Variants in COL15A1 observed in about 807,000 individuals in gnomAD.
COL15A1 encodes the protein collagen alpha-1(XV) chain.
In COL15A1, 111 loss-of-function variants were observed where a neutral mutation model predicts 165.9. That is an observed-to-expected ratio of 0.67 (90% confidence interval 0.57 to 0.78). The LOEUF (loss-of-function observed/expected upper bound fraction) is 0.78, where lower values mean the gene tolerates loss of function less well. COL15A1 is among the 30% of genes least tolerant of loss of function. The pLI, the probability that COL15A1 is intolerant of heterozygous loss-of-function variation, is 0.00. For synonymous variants in COL15A1, 659 were observed against 674.8 expected (o/e 0.98, Z 0.36); for missense variants, 1,745 against 1,789.7 (o/e 0.98, Z 0.45).
At chr9:99,040,859 T>G in intron 23 of COL15A1, 1 of 398,656 alleles carries the variant, frequency 2.5e-6, no homozygotes, top group Non-Finnish European at 4.6e-6. Flanking sequence ...GCACATATCA[T>G]ATGATAACAC....
intron 2 of COL15A1, among the ~76,000 whole-genome samples, chr9:98,961,904 G>A (rs1387674555): frequency 6.6e-6 from 1 of 152,242 alleles, no homozygotes; most frequent in African/African-American, 2.4e-5. Context: ...AGAGTCAGAA[G>A]AAAGCCCGGA....
chr9:99,011,419 A>AC (rs1224171917), intron 9 of COL15A1, among the ~76,000 whole-genome samples: 4 of 146,892 alleles, frequency 2.7e-5, no homozygotes, highest in Non-Finnish European at 6.0e-5. Context: ...AAAAAAAAAA[A>AC]AAAAAGTCAT....
chr9:98,961,357 G>A (rs1837862949), intron 2 of COL15A1, among the ~76,000 whole-genome samples: 1 of 152,186 alleles, frequency 6.6e-6, no homozygotes, highest in Non-Finnish European at 1.5e-5. Context: ...TGCAATGAGA[G>A]CTATGAAAGC....
In COL15A1 at chr9:98,967,314, C is replaced by A. The variant is rs138994032; in HGVS notation, c.101-18251C>A. ...AGGTGTGTGCCGACCCTTCTCTGTA[C>A]TGACTTTCCCTGGGGAGCCACAGCT... On this transcript the variant is annotated intron_variant, in intron 2 of 41. Transcript: ENST00000375001. 3.7e-3 allele frequency among the ~76,000 whole-genome samples: 559 copies of A among 152,340 alleles called. 5 individuals carry two copies. The highest frequency in any genetic ancestry group is 9.3e-3 in the Admixed American group (142 of 15,308).
Position 98,944,035 on chromosome 9 carries a change from CCTT to C in COL15A1, c.-25_-23del, listed in dbSNP as rs754932175. 6.2e-7 allele frequency: 1 copy of C among 1,613,774 alleles called. No homozygotes were observed. On this transcript the variant is annotated 5_prime_UTR_variant, in exon 1 of 42. Transcript: ENST00000375001. ...AACGCTCTGCTCGACTAGCCGCGCG[CCTT>C]CCGGGGCTCCGCAGACCCGCGAGAT...
intron 2 of COL15A1, among the ~76,000 whole-genome samples, chr9:98,979,644 A>C (rs984106270): frequency 5.2e-5 from 6 of 116,102 alleles, no homozygotes; most frequent in African/African-American, 8.8e-5. Context: ...TGCAGGGATT[A>C]TCTTTATTAT....
intron 5 of COL15A1, among the ~76,000 whole-genome samples, chr9:98,992,998 C>G (rs1838473564): frequency 6.6e-6 from 1 of 152,158 alleles, no homozygotes; most frequent in African/African-American, 2.4e-5. Context: ...ACTTTCTTTC[C>G]ATGCTTCCCC....
At position 98,985,751 on chromosome 9, in the gene COL15A1, T is replaced by C. The variant is rs755701903; in HGVS notation, c.287T>C (p.Val96Ala). Residue 96 changes from valine (V) to alanine (A), a missense_variant, in exon 3 of 42, where the codon GTG becomes GCG. Physicochemically the swap from Val to Ala is moderately conservative, Grantham distance 64. Transcript: ENST00000375001. ...TFFRDFAISV[V>A]VKPSSTRGGV... is the part of the protein sequence containing the mutation. Reference sequence around the variant, plus strand: ...TTCAGGGACTTCGCCATCAGCGTCGTGGTGAAGCCCAGCAGCACCCGTGGT... The same window carrying C: ...TTCAGGGACTTCGCCATCAGCGTCGCGGTGAAGCCCAGCAGCACCCGTGGT... 1 of 1,614,188 alleles carries C rather than the reference T, an allele frequency of 6.2e-7. No homozygotes were observed. Among genetic ancestry groups the C allele is most frequent in the Non-Finnish European group, 8.5e-7 (1 of 1,180,030 alleles).
At position 99,004,997 on chromosome 9, in the gene COL15A1, G is replaced by T. The variant is rs370219945; in HGVS notation, c.1300G>T (p.Gly434Trp). The part of the protein sequence containing the change: ...GEVEASGVAP[G>W]ELDLSMSAQS... ...AGTGGAGGCCAGTGGTGTGGCCCCC[G>T]GGGAGCTGGACCTCTCCATGTCCGC... Residue 434 changes from glycine (G) to tryptophan (W), a missense_variant, in exon 9 of 42, where the codon GGG becomes TGG. Transcript: ENST00000375001. 1 of 1,613,628 alleles carries T rather than the reference G, an allele frequency of 6.2e-7. No individual in the cohort carries two copies. The highest frequency in any genetic ancestry group is 1.3e-5 in the African/African-American group (1 of 74,902).
At chr9:99,012,729 T>TG (rs1491108250) in intron 9 of COL15A1, among the ~76,000 whole-genome samples, 2 of 128,480 alleles carry the variant, frequency 1.6e-5, no homozygotes, top group African/African-American at 2.9e-5. Context: ...TTTTTTTTTT[T>TG]GAGACGGAGT....
intron 2 of COL15A1, among the ~76,000 whole-genome samples, chr9:98,953,198 G>A (rs1564006416): frequency 6.6e-6 from 1 of 152,222 alleles, no homozygotes; most frequent in Non-Finnish European, 1.5e-5. Flanking sequence ...AGATTGTGGG[G>A]TATGACCTAT....
At chr9:99,040,461 C>T in intron 22 of COL15A1, 60 bp from the exon 23 acceptor site, 1 of 1,613,864 alleles carries the variant, frequency 6.2e-7, no homozygotes, top group Non-Finnish European at 8.5e-7. Context: ...GGGAGGGGGT[C>T]CTGCTGACTC....
rs564629318 is a variant in COL15A1 at position 99,062,862 on chromosome 9, T to C, written c.3592-188T>C. Among the ~76,000 whole-genome samples the C allele has an allele frequency of 7.5e-4, 114 of 152,294 alleles. No individual in the cohort carries two copies. The South Asian group carries it at 0.011, about 15-fold the overall frequency. On this transcript the variant is annotated intron_variant, in intron 38 of 41. Coordinates refer to ENST00000375001, the MANE Select transcript of COL15A1 (RefSeq NM_001855.5). ...CTTTTTAAAACTCTTGAGAACATTT[T>C]CTCCCTTTCTGAAGATGATTTCTTC...
At chr9:99,058,888 G>A (rs1015035747) in intron 35 of COL15A1, among the ~76,000 whole-genome samples, 4 of 152,088 alleles carry the variant, frequency 2.6e-5, no homozygotes, top group African/African-American at 7.2e-5. Flanking sequence ...TGCTTGCAAC[G>A]ACCTGAAGGA....
intron 19 of COL15A1, among the ~76,000 whole-genome samples, chr9:99,035,647 AT>A (rs1234238366): frequency 1.3e-5 from 2 of 152,052 alleles, no homozygotes; most frequent in African/African-American, 4.8e-5. Context: ...CTTGAAAATC[AT>A]TTTTATCTCT....
intron 2 of COL15A1, among the ~76,000 whole-genome samples, chr9:98,983,148 A>G (rs575698243): frequency 6.6e-6 from 1 of 152,258 alleles, no homozygotes; most frequent in Admixed American, 6.5e-5. Context: ...TAGATATTCC[A>G]TAATAATTGA....
In COL15A1 at chr9:99,024,870, T is replaced by C; in HGVS notation, c.1855-4T>C. The C allele has an allele frequency of 6.2e-7, 1 of 1,612,144 alleles. No individual in the cohort carries two copies. Among genetic ancestry groups the C allele is most frequent in the Non-Finnish European group, 8.5e-7 (1 of 1,179,316 alleles). ...TGTTTCTAACAGAGTCTTTGTGTTT[T>C]TAGGGTCCTCCAGGACCCCCAGGGC... On this transcript the variant is annotated splice_region_variant and splice_polypyrimidine_tract_variant and intron_variant, in intron 14 of 41. Transcript: ENST00000375001.
intron 8 of COL15A1, among the ~76,000 whole-genome samples, chr9:99,004,116 G>A (rs940628225): frequency 2.6e-5 from 4 of 152,220 alleles, no homozygotes; most frequent in African/African-American, 9.6e-5. Context: ...AGAAATGGCT[G>A]GAGAGGCTCT....
At chr9:98,995,269 C>T (rs1376923703) in intron 5 of COL15A1, among the ~76,000 whole-genome samples, 3 of 152,076 alleles carry the variant, frequency 2.0e-5, no homozygotes, top group African/African-American at 7.2e-5. Flanking sequence ...TTCACAACCT[C>T]CCCTGGGGAG....
Sources: gnomAD v4.1 joint callset for allele counts (sites outside exome capture counted in the v4.1 genomes callset) on GRCh38, gnomAD v4.1.1 for gene constraint, MANE v1.5 for transcripts, NCBI Gene and HGNC (gene_info 2026-07-23, HGNC 2026-07-21) for gene names.